The following TRIM9 variants were observed in gnomAD, a reference collection of about 807,000 sequenced individuals.
TRIM9 encodes E3 ubiquitin-protein ligase TRIM9.
TRIM9 carries 26 observed loss-of-function variants against 78.3 expected under a neutral mutation model. The ratio of observed to expected loss-of-function variants is 0.33; its 90% CI spans 0.24 to 0.46. TRIM9 has a LOEUF of 0.46. Among genes scored for constraint, TRIM9 ranks in the 20% least tolerant of loss-of-function variants. The pLI, the probability that TRIM9 is intolerant of heterozygous loss-of-function variation, is 1.00. For synonymous variants in TRIM9, 398 were observed against 416.5 expected (o/e 0.96, Z 0.54); for missense variants, 787 against 1,036.4 (o/e 0.76, Z 3.30).
At chr14:51,067,676 T>C (rs1341141815) in intron 1 of TRIM9, among the ~76,000 whole-genome samples, 3 of 152,128 alleles carry the variant, frequency 2.0e-5, no homozygotes, top group Non-Finnish European at 4.4e-5. Flanking sequence ...TTCCTGCAGA[T>C]CTTCACAGAG....
intron 1 of TRIM9, among the ~76,000 whole-genome samples, chr14:51,048,358 TG>T (rs1227708465): frequency 6.6e-6 from 1 of 152,148 alleles, no homozygotes; most frequent in Non-Finnish European, 1.5e-5. Context: ...TTCATTGTGA[TG>T]GTCTAGGAAA....
chr14:51,005,831 A>G (rs1489250359), intron 5 of TRIM9, among the ~76,000 whole-genome samples: 1 of 152,192 alleles, frequency 6.6e-6, no homozygotes, highest in African/African-American at 2.4e-5. Flanking sequence ...GATATTTGAA[A>G]AAAGGTACCA....
chr14:51,071,955 C>A (rs55842407), intron 1 of TRIM9, among the ~76,000 whole-genome samples: 34,489 of 152,182 alleles, frequency 0.23, 4,104 homozygotes, highest in African/African-American at 0.26. Context: ...ATTTGCCAAT[C>A]CCGGACTCAG....
intron 6 of TRIM9, among the ~76,000 whole-genome samples, chr14:50,999,353 T>G (rs2139499213): frequency 6.6e-6 from 1 of 150,408 alleles, no homozygotes; most frequent in Non-Finnish European, 1.5e-5. Flanking sequence ...AAATAGGATT[T>G]TACACACACA....
chr14:51,041,667 A>T (rs1229104237), intron 1 of TRIM9, among the ~76,000 whole-genome samples: 1 of 152,206 alleles, frequency 6.6e-6, no homozygotes, highest in Non-Finnish European at 1.5e-5. Flanking sequence ...CTCTGTTAAG[A>T]TTAGGTGCTG....
chr14:51,063,820 C>T lies in TRIM9; in HGVS notation c.822+30298G>A, dbSNP rs1334972800. ...ACAATTTGTTTCCAGGAGATTTATACTACAGGAAATGTTAACAGGAATATT... is the reference window on the plus strand; with the variant it reads ...ACAATTTGTTTCCAGGAGATTTATATTACAGGAAATGTTAACAGGAATATT... On this transcript the variant is annotated intron_variant, in intron 1 of 12. Coordinates refer to ENST00000684578, the MANE Select transcript of TRIM9 (RefSeq NM_001387360.1). 2.0e-5 allele frequency among the ~76,000 whole-genome samples: 3 copies of T among 152,052 alleles called. No homozygotes were observed. In the East Asian group the frequency reaches 5.8e-4, roughly 29 times the overall value.
intron 1 of TRIM9, among the ~76,000 whole-genome samples, chr14:51,066,791 G>A (rs1006566399): frequency 2.0e-5 from 3 of 152,180 alleles, no homozygotes; most frequent in Non-Finnish European, 4.4e-5. Context: ...GCAGCTCGGC[G>A]TTTGCCTTAT....
chr14:50,997,721 A>AG (rs2054404662), intron 7 of TRIM9: 1 of 1,225,500 alleles, frequency 8.2e-7, no homozygotes. Context: ...AGCCTGCTCT[A>AG]GAGCCTAGAT....
intron 1 of TRIM9, among the ~76,000 whole-genome samples, chr14:51,084,546 T>C (rs544845887): frequency 6.6e-6 from 1 of 152,194 alleles, no homozygotes; most frequent in African/African-American, 2.4e-5. Context: ...GTCAATAAAA[T>C]CAATAATAGC....
At chr14:51,082,850 A>C (rs1433254749) in intron 1 of TRIM9, among the ~76,000 whole-genome samples, 1 of 152,106 alleles carries the variant, frequency 6.6e-6, no homozygotes, top group East Asian at 1.9e-4. Flanking sequence ...GACCAAAGCT[A>C]TATGTAGGTT....
In TRIM9 at chr14:51,006,367, C is replaced by A. The variant is rs11157789; in HGVS notation, c.1306+2713G>T. On this transcript the variant is annotated intron_variant, in intron 5 of 12. Coordinates refer to ENST00000684578, the MANE Select transcript of TRIM9 (RefSeq NM_001387360.1). Reference sequence around the variant, plus strand: ...AGTTTATTAAACTGACAAAGAATATCTTTAAAAAATAAGAAGATGAACGCC... The same window carrying A: ...AGTTTATTAAACTGACAAAGAATATATTTAAAAAATAAGAAGATGAACGCC... 5.9e-3 allele frequency among the ~76,000 whole-genome samples: 902 copies of A among 152,230 alleles called. 6 individuals carry two copies. Among genetic ancestry groups the A allele is most frequent in the African/African-American group, 0.02 (844 of 41,538 alleles).
At chr14:51,054,196 G>A (rs540128939) in intron 1 of TRIM9, among the ~76,000 whole-genome samples, 6 of 151,968 alleles carry the variant, frequency 3.9e-5, no homozygotes, top group East Asian at 1.9e-4. Flanking sequence ...CCAGCAGCTC[G>A]GACTATAGGT....
intron 12 of TRIM9, among the ~76,000 whole-genome samples, chr14:50,977,746 G>A (rs1288926446): frequency 2.0e-5 from 3 of 152,138 alleles, no homozygotes; most frequent in African/African-American, 7.2e-5. Flanking sequence ...CTTATTACTT[G>A]TCCACTAGTT....
rs200001803 is a variant in TRIM9, at chr14:51,000,740, C to T, written c.1407G>A (p.Thr469=). The change falls in exon 6 of 13, where the codon ACG becomes ACA. Residue 469 remains threonine (T), a synonymous_variant. Transcript: ENST00000684578. ...CCAGAATGTATCCATCGGCGGGCAC[C>T]GTGGACAGAGGTGGCTGTTTCCAGG... ...TLSWKQPPLS[T]VPADGYILEL... 4.6e-5 allele frequency: 74 copies of T among 1,614,124 alleles called. No homozygotes were observed. In the African/African-American group the frequency reaches 5.1e-4, roughly 11 times the overall value.
In TRIM9 at chr14:51,010,471, G is replaced by A. The variant is rs1324865662; in HGVS notation, c.1065C>T (p.His355=). Residue 355 remains histidine (H), a synonymous_variant, in exon 4 of 13, where the codon CAC becomes CAT. Transcript: ENST00000684578. ...KLKVVRDQIS[H]CTVKLRQTTG... ...TGGTCTGGCGCAATTTCACTGTGCAGTGAGAGATCTGATCTCGAACCACCT... is the reference window on the plus strand; with the variant it reads ...TGGTCTGGCGCAATTTCACTGTGCAATGAGAGATCTGATCTCGAACCACCT... The A allele has an allele frequency of 3.1e-6, 5 of 1,613,544 alleles. No homozygotes were observed. In the South Asian group the frequency reaches 4.4e-5, roughly 14 times the overall value.
intron 1 of TRIM9, among the ~76,000 whole-genome samples, chr14:51,078,693 TA>T (rs2063031908): frequency 6.6e-6 from 1 of 152,172 alleles, no homozygotes; most frequent in East Asian, 1.9e-4. Flanking sequence ...ACGTGGAATC[TA>T]AAAAAGCCTA....
intron 1 of TRIM9, among the ~76,000 whole-genome samples, chr14:51,057,345 C>T (rs529962772): frequency 4.6e-5 from 7 of 152,122 alleles, no homozygotes; most frequent in Non-Finnish European, 1.0e-4. Flanking sequence ...TCCAAATTAC[C>T]AAATTACCAA....
intron 1 of TRIM9, among the ~76,000 whole-genome samples, chr14:51,055,850 A>G (rs1213691897): frequency 6.6e-6 from 1 of 152,244 alleles, no homozygotes; most frequent in Non-Finnish European, 1.5e-5. Context: ...CCATGAATAC[A>G]ATATAACTTG....
chr14:51,032,892 C>T (rs937851967), intron 1 of TRIM9, among the ~76,000 whole-genome samples: 1 of 152,132 alleles, frequency 6.6e-6, no homozygotes, highest in Non-Finnish European at 1.5e-5. Flanking sequence ...TTCAATGAAC[C>T]TTTCCTTTGA....
Sources: gnomAD v4.1 joint callset for allele counts (sites outside exome capture counted in the v4.1 genomes callset) on GRCh38, gnomAD v4.1.1 for gene constraint, MANE v1.5 for transcripts, NCBI Gene and HGNC (gene_info 2026-07-23, HGNC 2026-07-21) for gene names.